The following CRYM variants were observed in gnomAD, a reference collection of about 807,000 sequenced individuals.
The protein encoded by CRYM is crystallin mu, also known as ketimine reductase mu-crystallin.
Under a neutral mutation model 32.9 loss-of-function variants are expected in CRYM, and 18 were observed. That is an observed-to-expected ratio of 0.55 (90% CI 0.38 to 0.81). CRYM has a LOEUF of 0.81. Ranked by LOEUF, CRYM falls within the 30% of genes least tolerant of loss-of-function variation. The pLI, the probability that CRYM is intolerant of heterozygous loss-of-function variation, is 0.00. For missense variants in CRYM, 337 were observed against 393.5 expected, an observed-to-expected ratio of 0.86 and a Z score of 1.21; for synonymous variants, 153 against 152.4, an observed-to-expected ratio of 1.00 and a Z score of -0.03.
chr16:21,278,516 G>A (rs561642936), upstream of CRYM: 5 of 569,910 alleles, frequency 8.8e-6, no homozygotes, highest in African/African-American at 9.4e-5. Flanking sequence ...AGTCAATATT[G>A]TTTGGTCCAC....
intron 4 of CRYM, among the ~76,000 whole-genome samples, chr16:21,268,326 G>A (rs561025890): frequency 8.5e-5 from 13 of 152,300 alleles, no homozygotes; most frequent in African/African-American, 2.6e-4. Flanking sequence ...AAGATCAGAC[G>A]AGTTTGAAGG....
chr16:21,292,069 G>C (rs1960670597), intron 1 of CRYM, among the ~76,000 whole-genome samples: 2 of 151,978 alleles, frequency 1.3e-5, no homozygotes, highest in Admixed American at 6.6e-5. Context: ...AGAAACACTT[G>C]TATGCAAACA....
intron 1 of CRYM, among the ~76,000 whole-genome samples, chr16:21,285,176 G>T (rs2093405452): frequency 6.6e-6 from 1 of 152,110 alleles, no homozygotes; most frequent in Admixed American, 6.6e-5. Flanking sequence ...TTAGACCCTT[G>T]TCAGATGCAT....
chr16:21,272,083 G>A lies in CRYM; in HGVS notation c.388-2192C>T, dbSNP rs1346643694. Among the ~76,000 whole-genome samples, 5 of 149,826 alleles carry A rather than the reference G, an allele frequency of 3.3e-5. No homozygotes were observed. The East Asian group carries it at 7.8e-4, about 24-fold the overall frequency. ...TCGCCATGTTGGCCAGGCTGGTCTC[G>A]AACTCCTGACCTCAAGTGATCCACC... is the stretch of plus-strand genomic sequence containing the variant. On this transcript the variant is annotated intron_variant, in intron 3 of 7. Transcript: ENST00000572914.
At chr16:21,296,827 G>A (rs545272959) in intron 1 of CRYM, among the ~76,000 whole-genome samples, 6 of 151,380 alleles carry the variant, frequency 4.0e-5, no homozygotes, top group South Asian at 2.1e-4. Flanking sequence ...TGGCTAACAC[G>A]GTGAAACCCC....
At chr16:21,269,740 C>A in intron 4 of CRYM, 50 bp downstream of exon 4, 1 of 1,169,800 alleles carries the variant, frequency 8.5e-7, no homozygotes, top group South Asian at 1.2e-5. Flanking sequence ...ATAGACAGGT[C>A]AAGGACCACC....
chr16:21,282,708 C>T (rs2093400306), upstream of CRYM, among the ~76,000 whole-genome samples: 1 of 152,010 alleles, frequency 6.6e-6, no homozygotes. Context: ...CCTGTAGAAA[C>T]AGGACAACTC....
At chr16:21,269,639 G>A (rs551954551) in intron 4 of CRYM, 151 bp downstream of exon 4, 4 of 617,972 alleles carry the variant, frequency 6.5e-6, no homozygotes, top group Admixed American at 2.8e-5. Flanking sequence ...CCTCCATCAG[G>A]GCTTCTGGGA....
At chr16:21,300,278 G>C (rs1960879114) in intron 1 of CRYM, 1 of 152,158 alleles carries the variant, frequency 6.6e-6, no homozygotes, top group Admixed American at 6.5e-5. Context: ...CTTGATAGGA[G>C]TGGGGGAGTG....
rs776176258 is a variant in CRYM at position 21,258,856 on chromosome 16, C to T, written c.881-11G>A. On this transcript the variant is annotated splice_polypyrimidine_tract_variant and intron_variant, in intron 7 of 7. Transcript: ENST00000572914. Reference sequence around the variant, plus strand: ...CTTCCACTGCCATTCCTAGAATAGACAGAAATTTGGTTCGCCTTTGGTCAA... The same window carrying T: ...CTTCCACTGCCATTCCTAGAATAGATAGAAATTTGGTTCGCCTTTGGTCAA... 1 of 1,613,932 alleles carries T rather than the reference C, an allele frequency of 6.2e-7. No homozygotes were observed. Among genetic ancestry groups the T allele is most frequent in the Non-Finnish European group, 8.5e-7 (1 of 1,179,894 alleles).
chr16:21,264,352 G>A (rs1281391301), intron 5 of CRYM, among the ~76,000 whole-genome samples: 3 of 152,202 alleles, frequency 2.0e-5, no homozygotes, highest in Admixed American at 1.3e-4. Flanking sequence ...TGAGCCGGGC[G>A]AGTTCTCAAA....
At chr16:21,284,221 G>A (rs187481228) in intron 1 of CRYM, 2 of 151,606 alleles carry the variant, frequency 1.3e-5, no homozygotes, top group African/African-American at 4.8e-5. Context: ...AGTCTGACTT[G>A]AGGCAACGTG....
At chr16:21,275,675 C>G in intron 2 of CRYM, 81 bp from the exon 3 acceptor site, 1 of 1,207,578 alleles carries the variant, frequency 8.3e-7, no homozygotes, top group South Asian at 1.2e-5. Context: ...AAAATATTAG[C>G]TTAGGAAGTT....
chr16:21,285,986 G>A (rs1417193742), intron 1 of CRYM, among the ~76,000 whole-genome samples: 4 of 152,060 alleles, frequency 2.6e-5, no homozygotes, highest in African/African-American at 9.7e-5. Flanking sequence ...CCTCATGAAT[G>A]CATCAGGTTT....
intron 1 of CRYM, among the ~76,000 whole-genome samples, chr16:21,286,220 A>T (rs1014840958): frequency 1.4e-5 from 2 of 145,470 alleles, no homozygotes; most frequent in South Asian, 2.2e-4. Context: ...TAAAGACAGA[A>T]TTTTTTTTTT....
chr16:21,288,124 G>T (rs950188250), intron 1 of CRYM, among the ~76,000 whole-genome samples: 1 of 152,222 alleles, frequency 6.6e-6, no homozygotes, highest in South Asian at 2.1e-4. Flanking sequence ...AGGACACCCA[G>T]TTGGGGTGTC....
intron 1 of CRYM, among the ~76,000 whole-genome samples, chr16:21,297,926 A>G (rs1960821540): frequency 6.6e-6 from 1 of 152,270 alleles, no homozygotes; most frequent in East Asian, 1.9e-4. Flanking sequence ...TAAAAATAAA[A>G]GAATGATCTT....
chr16:21,272,252 G>C (rs76593946), intron 3 of CRYM, among the ~76,000 whole-genome samples: 1 of 152,094 alleles, frequency 6.6e-6, no homozygotes, highest in Non-Finnish European at 1.5e-5. Context: ...TTAAGTACAC[G>C]TATATGAATC....
rs996800416 is a variant in CRYM, at chr16:21,258,992, A to G, written c.881-147T>C. ...GGGACTGATACCCAGAGATGAGCTC[A>G]GGCTTCAATTGTCTGCAAAGGGGCA... On this transcript the variant is annotated intron_variant, in intron 7 of 7. Coordinates refer to ENST00000572914, the MANE Select transcript of CRYM (RefSeq NM_001376256.1). 12 of 692,176 alleles carry G rather than the reference A, an allele frequency of 1.7e-5. No individual in the cohort carries two copies. The African/African-American group carries it at 2.1e-4, about 12-fold the overall frequency. 42.9% of individuals were successfully genotyped at this position (692,176 alleles called of 1,614,324 possible). A position where few individuals can be genotyped will look rare whatever the true frequency, so the allele number is the denominator to read the frequency against.
Sources: gnomAD v4.1 joint callset for allele counts (sites outside exome capture counted in the v4.1 genomes callset) on GRCh38, gnomAD v4.1.1 for gene constraint, MANE v1.5 for transcripts, NCBI Gene and HGNC (gene_info 2026-07-23, HGNC 2026-07-21) for gene names.